The following ABHD2 variants were observed in gnomAD, a reference collection of about 807,000 sequenced individuals.
ABHD2 encodes abhydrolase domain containing 2, acylglycerol lipase.
ABHD2 carries 20 observed loss-of-function variants against 48.1 expected under a neutral mutation model. The observed-to-expected ratio is 0.42, with a 90% CI of 0.29 to 0.60. The LOEUF is 0.60. ABHD2 is among the 20% of genes least tolerant of loss of function. The pLI, the probability that ABHD2 is intolerant of heterozygous loss-of-function variation, is 0.24. For synonymous variants in ABHD2, 209 were observed against 214.2 expected, an observed-to-expected ratio of 0.98 and a Z score of 0.21; for missense variants, 405 against 550.9, an observed-to-expected ratio of 0.74 and a Z score of 2.65.
At chr15:89,061,048 A>G in the ABHD2 span, among the ~76,000 whole-genome samples, 4 of 152,154 alleles carry the variant, frequency 2.6e-5, no homozygotes, top group Non-Finnish European at 2.9e-5. Flanking sequence ...GTACTCATGG[A>G]CATAATGATG....
At chr15:89,141,422 A>G (rs955328915) in intron 3 of ABHD2, among the ~76,000 whole-genome samples, 2 of 152,172 alleles carry the variant, frequency 1.3e-5, no homozygotes, top group African/African-American at 4.8e-5. Context: ...CTCTTGAGGT[A>G]AGGACTTCAA....
the ABHD2 span, among the ~76,000 whole-genome samples, chr15:89,065,827 C>T: frequency 1.3e-5 from 2 of 152,048 alleles, no homozygotes; most frequent in African/African-American, 2.4e-5. Flanking sequence ...ATGCAGGATC[C>T]CAGGGAAAAG....
chr15:89,201,715 T>C lies in ABHD2; in HGVS notation c.*6292T>C, dbSNP rs574944016. ...TTAAGATTTGTAGTGACTACATCTG[T>C]GAAGGGGCCTTTGAATTTGAGGTCT... On this transcript the variant is annotated 3_prime_UTR_variant, in exon 11 of 11. Transcript: ENST00000352732. The C allele has an allele frequency of 6.2e-6, 10 of 1,606,122 alleles. No homozygotes were observed. In the African/African-American group the frequency reaches 1.3e-4, roughly 21 times the overall value.
At chr15:89,180,764 G>T (rs1226951076) in intron 6 of ABHD2, among the ~76,000 whole-genome samples, 1 of 152,138 alleles carries the variant, frequency 6.6e-6, no homozygotes, top group African/African-American at 2.4e-5. Context: ...TCCTGGTTTT[G>T]CCCCCACTGC....
rs921050688 is a variant in ABHD2, at chr15:89,185,388, C to CACCG, written c.723-35_723-32dup. ...TCCTGGCTGCCCGCCTGCACCCCCACACCGCAGTCACCCTCACTCGCTGTG... is the reference window on the plus strand; with the variant it reads ...TCCTGGCTGCCCGCCTGCACCCCCACACCGACCGCAGTCACCCTCACTCGCTGTG... On this transcript the variant is annotated intron_variant, in intron 6 of 10. Transcript: ENST00000352732. This position sits in a 1 kb window ranked among gnomAD's most constrained non-coding sequence, Gnocchi z 5.9. 13 of 1,588,740 alleles carry CACCG rather than the reference C, an allele frequency of 8.2e-6. No individual in the cohort carries two copies. The highest frequency in any genetic ancestry group is 3.3e-4 in the Middle Eastern group (2 of 6,010).
chr15:89,048,039 G>A, the ABHD2 span, among the ~76,000 whole-genome samples: 1 of 151,836 alleles, frequency 6.6e-6, no homozygotes, highest in African/African-American at 2.4e-5. Context: ...GCTGGTACCG[G>A]TTGTTCCTTT....
chr15:89,093,276 G>C (rs1334519951), intron 1 of ABHD2, among the ~76,000 whole-genome samples: 1 of 148,214 alleles, frequency 6.7e-6, no homozygotes, highest in Admixed American at 6.9e-5. Flanking sequence ...TGCTTCGCGG[G>C]TTCAAACGAT....
At chr15:89,183,535 A>G (rs2079595) in intron 6 of ABHD2, among the ~76,000 whole-genome samples, 73,309 of 150,754 alleles carry the variant, frequency 0.49, 18,437 homozygotes, top group East Asian at 0.81. Context: ...TGAGTGGTAA[A>G]CCAAAGATAC....
At chr15:89,058,044 T>C in the ABHD2 span, among the ~76,000 whole-genome samples, 1 of 152,350 alleles carries the variant, frequency 6.6e-6, no homozygotes, top group East Asian at 1.9e-4. Flanking sequence ...ACATACTCTA[T>C]GTCTGCATAT....
chr15:89,060,083 C>CTTTTTTTTTTTTT, the ABHD2 span, among the ~76,000 whole-genome samples: 1 of 77,574 alleles, frequency 1.3e-5, no homozygotes. Context: ...ACTCCAAGGC[C>CTTTTTTTTTTTTT]TTTTTTTTTT....
chr15:89,122,171 G>A (rs902515336), intron 3 of ABHD2, among the ~76,000 whole-genome samples: 2 of 152,104 alleles, frequency 1.3e-5, no homozygotes, highest in African/African-American at 4.8e-5. Flanking sequence ...CTAACTTGCC[G>A]CCCTACTCCT....
intron 3 of ABHD2, among the ~76,000 whole-genome samples, chr15:89,128,585 G>A (rs927876699): frequency 6.6e-6 from 1 of 152,144 alleles, no homozygotes; most frequent in South Asian, 2.1e-4. Context: ...AATGATCTTG[G>A]TGCTGCTTGC....
At chr15:89,081,526 A>T in the ABHD2 span, among the ~76,000 whole-genome samples, 6 of 152,356 alleles carry the variant, frequency 3.9e-5, no homozygotes, top group East Asian at 7.7e-4. Context: ...ATAGAATAGC[A>T]CATGGAAGAA....
chr15:89,158,039 G>T (rs1697166236), intron 5 of ABHD2, among the ~76,000 whole-genome samples: 1 of 152,018 alleles, frequency 6.6e-6, no homozygotes, highest in African/African-American at 2.4e-5. Flanking sequence ...ACAAGTAGAA[G>T]ATGGGGAGGC....
chr15:89,078,440 C>T, the ABHD2 span, among the ~76,000 whole-genome samples: 37 of 152,304 alleles, frequency 2.4e-4, 1 homozygote, highest in African/African-American at 8.9e-4. Context: ...AAACTGCCTT[C>T]CTTTTGCTCC....
chr15:89,078,738 T>C, the ABHD2 span, among the ~76,000 whole-genome samples: 34 of 143,536 alleles, frequency 2.4e-4, no homozygotes, highest in Admixed American at 6.3e-4. Context: ...TTTTTTTTTC[T>C]TTTTTTTTTT....
In ABHD2 at chr15:89,092,196, G is replaced by A. The variant is rs570972355; in HGVS notation, c.-107+3633G>A. Reference sequence around the variant, plus strand: ...ATTACCCCTGAAGCTTGTGGACTGGGGCCATTTGGGTGAGGGGCTTGTTAC... The same window carrying A: ...ATTACCCCTGAAGCTTGTGGACTGGAGCCATTTGGGTGAGGGGCTTGTTAC... On this transcript the variant is annotated intron_variant, in intron 1 of 10. Coordinates refer to ENST00000352732, the MANE Select transcript of ABHD2 (RefSeq NM_152924.5). This position sits in a 1 kb window ranked among gnomAD's most constrained non-coding sequence, Gnocchi z 4.4. 3.9e-5 allele frequency among the ~76,000 whole-genome samples: 6 copies of A among 152,226 alleles called. No individual in the cohort carries two copies. Among genetic ancestry groups the A allele is most frequent in the East Asian group, 1.9e-4 (1 of 5,190 alleles).
intron 3 of ABHD2, among the ~76,000 whole-genome samples, chr15:89,121,949 C>G (rs181345388): frequency 6.6e-6 from 1 of 152,226 alleles, no homozygotes; most frequent in Non-Finnish European, 1.5e-5. Context: ...CTGCCTGTCT[C>G]CCAAGTAGCT....
chr15:89,055,074 G>C, the ABHD2 span, among the ~76,000 whole-genome samples: 2 of 151,962 alleles, frequency 1.3e-5, no homozygotes. Context: ...GCGCACACTT[G>C]CAGTTCCAGC....
Sources: gnomAD v4.1 joint callset for allele counts (sites outside exome capture counted in the v4.1 genomes callset) on GRCh38, gnomAD v4.1.1 for gene constraint, Gnocchi (gnomAD v3.1) non-coding constraint, MANE v1.5 for transcripts, NCBI Gene and HGNC (gene_info 2026-07-23, HGNC 2026-07-21) for gene names.